KCND2: variants seen among roughly 807,000 people sequenced by gnomAD.
The protein encoded by KCND2 is A-type voltage-gated potassium channel KCND2.
A neutral mutation model predicts 54.4 loss-of-function variants in KCND2; 16 were observed. The observed-to-expected ratio is 0.29, with a 90% CI of 0.20 to 0.45. KCND2 has a LOEUF of 0.45. Ranked by LOEUF, KCND2 falls within the 20% of genes least tolerant of loss-of-function variation. The pLI is 1.00. For synonymous variants in KCND2, 317 were observed against 310.7 expected (o/e 1.02, Z -0.21); for missense variants, 486 against 824.2 (o/e 0.59, Z 5.02).
chr7:120,615,018 G>A lies in KCND2; in HGVS notation c.1116-117885G>A, dbSNP rs527467541. ...ATTCAGCGTAAGAAAAGACATGTACGGTAGTCCAAACTAGCCTTTATCTAC... is the reference window on the plus strand; with the variant it reads ...ATTCAGCGTAAGAAAAGACATGTACAGTAGTCCAAACTAGCCTTTATCTAC... On this transcript the variant is annotated intron_variant, in intron 1 of 5. Transcript: ENST00000331113. Among the ~76,000 whole-genome samples, 9 of 152,162 alleles carry A rather than the reference G, an allele frequency of 5.9e-5. No individual in the cohort carries two copies. In the South Asian group the frequency reaches 6.2e-4, roughly 11 times the overall value.
At chr7:120,323,399 T>A (rs1799923592) in intron 1 of KCND2, among the ~76,000 whole-genome samples, 3 of 152,100 alleles carry the variant, frequency 2.0e-5, no homozygotes, top group Non-Finnish European at 4.4e-5. Flanking sequence ...CTGCACCCAC[T>A]AACTCGTCAT....
intron 1 of KCND2, among the ~76,000 whole-genome samples, chr7:120,669,041 C>A (rs1201889658): frequency 6.6e-6 from 1 of 151,934 alleles, no homozygotes. Context: ...AAAGTTATTT[C>A]CTTTTAGGGA....
chr7:120,399,053 C>A (rs980370485), intron 1 of KCND2, among the ~76,000 whole-genome samples: 9 of 151,850 alleles, frequency 5.9e-5, no homozygotes, highest in African/African-American at 2.2e-4. Context: ...CTCTTAACAC[C>A]CACTTTACAT....
At chr7:120,354,208 A>G (rs1800460863) in intron 1 of KCND2, among the ~76,000 whole-genome samples, 2 of 152,182 alleles carry the variant, frequency 1.3e-5, no homozygotes, top group African/African-American at 2.4e-5. Context: ...CAGACATTTT[A>G]TGAAAAATGA....
chr7:120,332,751 A>G (rs112629224), intron 1 of KCND2, among the ~76,000 whole-genome samples: 1 of 152,100 alleles, frequency 6.6e-6, no homozygotes, highest in Non-Finnish European at 1.5e-5. Context: ...TGATTGCTTA[A>G]CATTTTTCTC....
intron 1 of KCND2, among the ~76,000 whole-genome samples, chr7:120,716,072 T>C (rs763526373): frequency 2.6e-5 from 4 of 152,118 alleles, no homozygotes; most frequent in Non-Finnish European, 4.4e-5. Context: ...GATTATCATA[T>C]TTCTAGGCTA....
At chr7:120,453,896 C>T (rs111466205) in intron 1 of KCND2, among the ~76,000 whole-genome samples, 1 of 152,138 alleles carries the variant, frequency 6.6e-6, no homozygotes, top group Non-Finnish European at 1.5e-5. Flanking sequence ...ACCATCCTGG[C>T]TAACATGGTG....
At chr7:120,657,950 C>G (rs1410855270) in intron 1 of KCND2, among the ~76,000 whole-genome samples, 1 of 152,076 alleles carries the variant, frequency 6.6e-6, no homozygotes, top group Non-Finnish European at 1.5e-5. Context: ...TATGAAAATT[C>G]ATATTACCTA....
chr7:120,623,520 G>A (rs1210301087), intron 1 of KCND2, among the ~76,000 whole-genome samples: 1 of 152,164 alleles, frequency 6.6e-6, no homozygotes, highest in Admixed American at 6.5e-5. Flanking sequence ...GCTACCATAA[G>A]ATTTGATTTT....
chr7:120,341,269 A>C (rs568257831), intron 1 of KCND2, among the ~76,000 whole-genome samples: 1 of 152,138 alleles, frequency 6.6e-6, no homozygotes, highest in Non-Finnish European at 1.5e-5. Flanking sequence ...GAGTACATGG[A>C]CTGGTTAAAT....
chr7:120,572,579 G>A (rs188602570), intron 1 of KCND2, among the ~76,000 whole-genome samples: 226 of 152,206 alleles, frequency 1.5e-3, no homozygotes, highest in African/African-American at 5.0e-3. Flanking sequence ...GTTCAGTGGC[G>A]TGATCTTGGC....
intron 1 of KCND2, among the ~76,000 whole-genome samples, chr7:120,572,373 G>A (rs1278212059): frequency 1.3e-5 from 2 of 152,074 alleles, no homozygotes; most frequent in East Asian, 1.9e-4. Context: ...CAAAAACAAT[G>A]CAGAGGTGTA....
At chr7:120,312,233 C>T (rs183908768) in intron 1 of KCND2, among the ~76,000 whole-genome samples, 70 of 151,970 alleles carry the variant, frequency 4.6e-4, no homozygotes, top group African/African-American at 1.6e-3. Flanking sequence ...TAAATGACCG[C>T]GTAGTATTCC....
chr7:120,377,586 TTAAGG>T (rs1800852491), intron 1 of KCND2, among the ~76,000 whole-genome samples: 1 of 151,892 alleles, frequency 6.6e-6, no homozygotes, highest in African/African-American at 2.4e-5. Context: ...GTATATAGTG[TTAAGG>T]TAACAGTTTA....
chr7:120,274,992 C>A lies in KCND2; in HGVS notation c.360C>A (p.Ala120=), dbSNP rs1411123691. 6.2e-7 allele frequency: 1 copy of A among 1,613,998 alleles called. No homozygotes were observed. Among genetic ancestry groups the A allele is most frequent in the Non-Finnish European group, 8.5e-7 (1 of 1,180,048 alleles). Reference sequence around the variant, plus strand: ...TCTCTGCTTACGATGAAGAACTGGCCTTCTTTGGCCTCATCCCGGAAATCA... The same window carrying A: ...TCTCTGCTTACGATGAAGAACTGGCATTCTTTGGCCTCATCCCGGAAATCA... ...ECISAYDEEL[A]FFGLIPEIIG... Residue 120 remains alanine (A), a synonymous_variant, in exon 1 of 6, where the codon GCC becomes GCA. Transcript: ENST00000331113.
chr7:120,660,961 T>TTTTA (rs1791858530), intron 1 of KCND2, among the ~76,000 whole-genome samples: 2 of 151,476 alleles, frequency 1.3e-5, no homozygotes, highest in African/African-American at 4.9e-5. Flanking sequence ...TTTCATTTAT[T>TTTTA]TTTATTTTTG....
At chr7:120,738,522 G>A (rs754497623) in intron 2 of KCND2, among the ~76,000 whole-genome samples, 2 of 151,864 alleles carry the variant, frequency 1.3e-5, no homozygotes, top group African/African-American at 2.4e-5. Flanking sequence ...TAACTATGAA[G>A]CTTTTTTTAC....
intron 1 of KCND2, among the ~76,000 whole-genome samples, chr7:120,621,707 C>T (rs1793101350): frequency 6.6e-6 from 1 of 152,012 alleles, no homozygotes; most frequent in Admixed American, 6.6e-5. Context: ...TAATTCAAAA[C>T]ATGTAGACAG....
chr7:120,590,182 C>T (rs1220261207), intron 1 of KCND2, among the ~76,000 whole-genome samples: 1 of 152,010 alleles, frequency 6.6e-6, no homozygotes, highest in Non-Finnish European at 1.5e-5. Context: ...CCATGCCTGC[C>T]TAATTTTTGT....
Sources: gnomAD v4.1 joint callset for allele counts (sites outside exome capture counted in the v4.1 genomes callset) on GRCh38, gnomAD v4.1.1 for gene constraint, MANE v1.5 for transcripts, NCBI Gene and HGNC (gene_info 2026-07-23, HGNC 2026-07-21) for gene names.